YEATS2: variants seen among roughly 807,000 people sequenced by gnomAD.
YEATS2 encodes YEATS domain-containing protein 2.
YEATS2 carries 77 observed loss-of-function variants against 163.2 expected under a neutral mutation model. That is an observed-to-expected ratio of 0.47 (90% CI 0.39 to 0.57). YEATS2 has a LOEUF of 0.57. YEATS2 is among the 20% of genes least tolerant of loss of function. The pLI is 0.00. For missense variants in YEATS2, 1,549 were observed against 1,729.8 expected (o/e 0.90, Z 1.85); for synonymous variants, 631 against 645.1 (o/e 0.98, Z 0.33).
chr3:183,747,692 C>T lies in YEATS2; in HGVS notation c.945C>T (p.Gly315=). ...HNLKLDRTYT[G]LQTLGAETVV... ...CATAGCTGGATAGAACTTATACTGG[C>T]TTGCAGACTCTTGGAGCAGAGACGG... is the stretch of plus-strand genomic sequence containing the variant. The change falls in exon 9 of 31, where the codon GGC becomes GGT. Residue 315 remains glycine (G), a synonymous_variant. Coordinates refer to ENST00000305135, the MANE Select transcript of YEATS2 (RefSeq NM_018023.5). 1.9e-6 allele frequency: 3 copies of T among 1,613,184 alleles called. No individual in the cohort carries two copies. The highest frequency in any genetic ancestry group is 2.5e-6 in the Non-Finnish European group (3 of 1,179,404).
At chr3:183,714,538 G>A (rs1715628846) in intron 1 of YEATS2, among the ~76,000 whole-genome samples, 1 of 151,872 alleles carries the variant, frequency 6.6e-6, no homozygotes, top group South Asian at 2.1e-4. Context: ...AAAGACTTGT[G>A]TATGTGGGGC....
At chr3:183,723,112 C>CG (rs1235348409) in intron 5 of YEATS2, among the ~76,000 whole-genome samples, 20 of 152,190 alleles carry the variant, frequency 1.3e-4, no homozygotes, top group African/African-American at 4.8e-4. Flanking sequence ...CGAGAGCAGC[C>CG]GTTCTTCAAC....
chr3:183,719,485 G>C (rs1716270950), intron 4 of YEATS2, among the ~76,000 whole-genome samples: 1 of 152,148 alleles, frequency 6.6e-6, no homozygotes, highest in Non-Finnish European at 1.5e-5. Flanking sequence ...CATTATGCTA[G>C]GCTTTGCAGA....
rs375756174 is a variant in YEATS2, at chr3:183,786,166, T to C, written c.2778T>C (p.Asp926=). 8.1e-6 allele frequency: 13 copies of C among 1,613,968 alleles called. No homozygotes were observed. The highest frequency in any genetic ancestry group is 4.0e-5 in the African/African-American group (3 of 74,914). ...GGQASLMKIS[D]STLKTVPATS... ...AGGCATCTCTAATGAAAATATCCGA[T>C]AGCACCTTGAAGACTGTGCCAGCCA... The change falls in exon 20 of 31, where the codon GAT becomes GAC. Residue 926 remains aspartate, a synonymous_variant. Transcript: ENST00000305135.
chr3:183,715,287 A>C (rs1280012760), intron 2 of YEATS2, 25 bp downstream of exon 2: 3 of 1,550,868 alleles, frequency 1.9e-6, no homozygotes, highest in Non-Finnish European at 2.7e-6. Flanking sequence ...TTAGGAAATT[A>C]TTTCTTTATT....
chr3:183,760,242 C>T (rs1721198054), intron 13 of YEATS2, among the ~76,000 whole-genome samples: 2 of 149,510 alleles, frequency 1.3e-5, no homozygotes, highest in African/African-American at 2.5e-5. Context: ...AAGTGTTCTT[C>T]GTTTCCAAAT....
In YEATS2 at chr3:183,752,197, C is replaced by T; in HGVS notation, c.1094C>T (p.Ala365Val). The T allele has an allele frequency of 6.2e-7, 1 of 1,614,136 alleles. No homozygotes were observed. Among genetic ancestry groups the T allele is most frequent in the Non-Finnish European group, 8.5e-7 (1 of 1,180,012 alleles). Residue 365 changes from alanine (A) to valine (V), a missense_variant, in exon 10 of 31, where the codon GCT (alanine) becomes GTT (valine). By Grantham distance (64) the Ala-to-Val change is moderately conservative (BLOSUM62 0). Transcript: ENST00000305135. ...TTGACCATTCCAGCCCCAGTGAAAG[C>T]TTCTTCACCAATAAAGCAGTCACAT... Reference protein sequence around the residue: ...LPLTIPAPVKASSPIKQSHEP... With the variant: ...LPLTIPAPVKVSSPIKQSHEP...
intron 1 of YEATS2, among the ~76,000 whole-genome samples, chr3:183,711,335 T>C (rs1403873844): frequency 6.6e-6 from 1 of 151,454 alleles, no homozygotes; most frequent in Non-Finnish European, 1.5e-5. Flanking sequence ...CAGCCGGGCG[T>C]GGTGGAGGGC....
rs755668551 is a variant in YEATS2 at position 183,804,184 on chromosome 3, G to T, written c.3780G>T (p.Glu1260Asp). ...ACGTGCTGACCCAGATCGACAGCGA[G>T]CCCGGTAAGCCTTCAGTGGCACTGC... The part of the protein sequence containing the change: ...IEDVLTQIDS[E>D]PECPSSFSSA... Residue 1260 changes from glutamate (E) to aspartate (D), a missense_variant, in exon 27 of 31, where the codon GAG (glutamate) becomes GAT (aspartate). Coordinates refer to ENST00000305135, the MANE Select transcript of YEATS2 (RefSeq NM_018023.5). The T allele has an allele frequency of 6.2e-7, 1 of 1,614,040 alleles. No individual in the cohort carries two copies. Among genetic ancestry groups the T allele is most frequent in the African/African-American group, 1.3e-5 (1 of 74,936 alleles).
At chr3:183,750,443 C>G (rs1352882287) in intron 9 of YEATS2, among the ~76,000 whole-genome samples, 1 of 152,172 alleles carries the variant, frequency 6.6e-6, no homozygotes, top group Non-Finnish European at 1.5e-5. Flanking sequence ...TGGGTATATA[C>G]CCAGAAATGG....
intron 10 of YEATS2, among the ~76,000 whole-genome samples, chr3:183,752,750 T>C (rs1720321097): frequency 6.6e-6 from 1 of 151,672 alleles, no homozygotes; most frequent in African/African-American, 2.4e-5. Flanking sequence ...TACTGACATA[T>C]TATAAAATGT....
chr3:183,800,348 A>G, intron 23 of YEATS2, 118 bp from the exon 24 acceptor site: 2 of 684,824 alleles, frequency 2.9e-6, no homozygotes, highest in Non-Finnish European at 5.1e-6. Flanking sequence ...GTGTCCCCAC[A>G]ACAGCTGGAG....
chr3:183,698,943 T>C (rs1295101906), intron 1 of YEATS2, among the ~76,000 whole-genome samples: 1 of 152,166 alleles, frequency 6.6e-6, no homozygotes, highest in South Asian at 2.1e-4. Flanking sequence ...GTATACTCTT[T>C]AAAAGATAGG....
intron 20 of YEATS2, among the ~76,000 whole-genome samples, chr3:183,787,855 T>C (rs1223674340): frequency 6.6e-6 from 1 of 150,770 alleles, no homozygotes; most frequent in African/African-American, 2.4e-5. Context: ...AAAAAAAAAT[T>C]AGCGGGGCGT....
At chr3:183,762,636 A>G (rs1312167436) in intron 15 of YEATS2, among the ~76,000 whole-genome samples, 1 of 151,502 alleles carries the variant, frequency 6.6e-6, no homozygotes, top group African/African-American at 2.4e-5. Flanking sequence ...AGAATGCTGT[A>G]GTTTATACCT....
Position 183,790,817 on chromosome 3 carries a change from G to A in YEATS2, c.2934G>A (p.Val978=), listed in dbSNP as rs554557318. 3 of 1,614,046 alleles carry A rather than the reference G, an allele frequency of 1.9e-6. No individual in the cohort carries two copies. The highest frequency in any genetic ancestry group is 1.3e-5 in the African/African-American group (1 of 75,030). The change falls in exon 21 of 31, where the codon GTG becomes GTA. Residue 978 remains valine, a synonymous_variant. Transcript: ENST00000305135. ...AGCAGTCTGAAGGAATGGCTCCCGT[G>A]TCTTCATCTACGGTCAGTTCTGTAA... ...PAQQSEGMAP[V]SSSTVSSVTK... is the part of the protein sequence containing the mutation.
intron 8 of YEATS2, among the ~76,000 whole-genome samples, chr3:183,738,234 C>T (rs1407221738): frequency 1.4e-5 from 2 of 145,134 alleles, no homozygotes; most frequent in East Asian, 4.1e-4. Context: ...TAATAGTTTC[C>T]AAGTGTTGAA....
chr3:183,776,031 A>G lies in YEATS2; in HGVS notation c.2485A>G (p.Thr829Ala). The stretch of plus-strand genomic sequence containing the variant: ...CGGCAGCACAGGAGGAGGAGGAGGA[A>G]CAGCAGGAGGAGGAACTCAAAGTAC... Reference protein sequence around the residue: ...GGGSTGGGGGTAGGGTQSTAG... With the variant: ...GGGSTGGGGGAAGGGTQSTAG... Residue 829 changes from threonine (T) to alanine (A), a missense_variant, in exon 18 of 31, where the codon ACA becomes GCA. Transcript: ENST00000305135. 5.0e-6 allele frequency: 8 copies of G among 1,613,028 alleles called. No individual in the cohort carries two copies. The highest frequency in any genetic ancestry group is 6.8e-6 in the Non-Finnish European group (8 of 1,179,718).
chr3:183,798,393 A>G (rs76208485), intron 22 of YEATS2, among the ~76,000 whole-genome samples: 8,068 of 152,240 alleles, frequency 0.053, 572 homozygotes, highest in African/African-American at 0.15. Context: ...TTGCTCTGTC[A>G]CCAGAGCTGG....
Sources: allele counts gnomAD v4.1 joint callset (sites outside exome capture counted in the v4.1 genomes callset), GRCh38; gene constraint gnomAD v4.1.1; transcripts MANE v1.5; gene names NCBI Gene and HGNC (gene_info 2026-07-23, HGNC 2026-07-21).